The following NLGN4X variants were observed in gnomAD, a reference collection of about 807,000 sequenced individuals.
The protein encoded by NLGN4X is neuroligin 4 X-linked, also known as neuroligin-4, X-linked.
NLGN4X carries 3 observed loss-of-function variants against 40.3 expected under a neutral mutation model. The ratio of observed to expected loss-of-function variants is 0.07; its 90% CI spans 0.03 to 0.19. The LOEUF (loss-of-function observed/expected upper bound fraction) is 0.19, where lower values mean the gene tolerates loss of function less well. Among genes scored for constraint, NLGN4X ranks in the 10% least tolerant of loss-of-function variants. NLGN4X has a pLI of 1.00. For missense variants in NLGN4X, 382 were observed against 708.3 expected, an observed-to-expected ratio of 0.54 and a Z score of 5.23; for synonymous variants, 270 against 306.8, an observed-to-expected ratio of 0.88 and a Z score of 1.25.
intron 3 of NLGN4X, among the ~76,000 whole-genome samples, chrX:6,025,897 T>C (rs1266680323): frequency 1.3e-5 from 1 of 78,225 alleles, no homozygotes; most frequent in Non-Finnish European, 2.4e-5. Context: ...AAAGCGAGAC[T>C]CCATCTCAAA....
chrX:6,032,235 C>CG (rs1447320782), intron 2 of NLGN4X, among the ~76,000 whole-genome samples: 1 of 94,799 alleles, frequency 1.1e-5, no homozygotes, highest in East Asian at 3.9e-4. Flanking sequence ...GCCCCCCCCC[C>CG]CCCAAAAAAA....
At chrX:6,021,740 TTTG>T (rs2036564056) in intron 3 of NLGN4X, among the ~76,000 whole-genome samples, 1 of 105,915 alleles carries the variant, frequency 9.4e-6, no homozygotes, top group African/African-American at 3.8e-5. Context: ...TGTTTTTTTG[TTTG>T]TTTTTTTTTT....
At chrX:6,092,034 T>C (rs1407838259) in intron 2 of NLGN4X, among the ~76,000 whole-genome samples, 1 of 99,765 alleles carries the variant, frequency 1.0e-5, no homozygotes, top group Admixed American at 1.1e-4. Context: ...CCTCATTCCT[T>C]CCTGTTTTTC....
chrX:6,225,011 T>C lies in NLGN4X; in HGVS notation c.-306+3530A>G, dbSNP rs12844040. On this transcript the variant is annotated intron_variant, in intron 1 of 5. Transcript: ENST00000381095. Reference sequence around the variant, plus strand: ...ATATATATATATATATATATATATATACACACACACACACATATATGTAGA... The same window carrying C: ...ATATATATATATATATATATATATACACACACACACACACATATATGTAGA... Among the ~76,000 whole-genome samples the C allele has an allele frequency of 3.3e-3, 164 of 49,524 alleles. 2 individuals are homozygous for C. Among genetic ancestry groups the C allele is most frequent in the East Asian group, 0.01 (18 of 1,720 alleles). 43.0% of individuals were successfully genotyped at this position (49,524 alleles called of 115,157 possible). A position where few individuals can be genotyped will look rare whatever the true frequency, so the allele number is the denominator to read the frequency against.
chrX:5,999,902 C>T (rs1330141352), intron 3 of NLGN4X, among the ~76,000 whole-genome samples: 1 of 112,122 alleles, frequency 8.9e-6, no homozygotes, highest in African/African-American at 3.2e-5. Flanking sequence ...GTCATTACTC[C>T]GCAAAAATTA....
At chrX:5,946,304 G>A (rs951992936) in intron 3 of NLGN4X, among the ~76,000 whole-genome samples, 3 of 111,599 alleles carry the variant, frequency 2.7e-5, no homozygotes, top group Admixed American at 9.6e-5. Context: ...ACTTGAGGAC[G>A]GAAAACAATT....
At chrX:6,209,416 G>A (rs973866694) in intron 1 of NLGN4X, among the ~76,000 whole-genome samples, 6 of 110,760 alleles carry the variant, frequency 5.4e-5, no homozygotes. Flanking sequence ...TGTATACAAC[G>A]GGCACCTAGA....
chrX:6,060,936 A>C (rs995401908), intron 2 of NLGN4X, among the ~76,000 whole-genome samples: 1 of 111,420 alleles, frequency 9.0e-6, no homozygotes, highest in Non-Finnish European at 1.9e-5. Context: ...CACACCTCTC[A>C]AGGGGACAAA....
chrX:5,901,476 G>GA (rs2146721645), intron 5 of NLGN4X, among the ~76,000 whole-genome samples: 1 of 111,713 alleles, frequency 9.0e-6, no homozygotes, highest in East Asian at 2.8e-4. Flanking sequence ...AAGAGAAAAT[G>GA]AAAAAATGCC....
chrX:6,047,038 C>T (rs1326215087), intron 2 of NLGN4X, among the ~76,000 whole-genome samples: 1 of 108,811 alleles, frequency 9.2e-6, no homozygotes, highest in Non-Finnish European at 1.9e-5. Flanking sequence ...GATATATACA[C>T]ATATATGTAT....
At chrX:6,214,612 A>T (rs1167612358) in intron 1 of NLGN4X, among the ~76,000 whole-genome samples, 1 of 111,900 alleles carries the variant, frequency 8.9e-6, no homozygotes, top group Non-Finnish European at 1.9e-5. Flanking sequence ...GCAGAAAGAT[A>T]GAGCCAAGTG....
chrX:5,977,922 C>T (rs1424878150), intron 3 of NLGN4X, among the ~76,000 whole-genome samples: 5 of 112,191 alleles, frequency 4.5e-5, no homozygotes, highest in Admixed American at 9.5e-5. Context: ...GGTTTAAAGT[C>T]AGTCTTGTTC....
intron 3 of NLGN4X, among the ~76,000 whole-genome samples, chrX:5,914,381 C>A (rs971548629): frequency 8.1e-5 from 9 of 111,100 alleles, no homozygotes; most frequent in African/African-American, 2.6e-4. Flanking sequence ...TGGTAAGGAA[C>A]CCAATGGGGT....
chrX:6,091,416 C>T (rs1427928693), intron 2 of NLGN4X, among the ~76,000 whole-genome samples: 1 of 111,226 alleles, frequency 9.0e-6, no homozygotes, highest in Admixed American at 9.5e-5. Flanking sequence ...TCCTGTCTTA[C>T]ATCCTGTGTT....
intron 3 of NLGN4X, among the ~76,000 whole-genome samples, chrX:5,934,641 G>T: frequency 8.9e-6 from 1 of 111,814 alleles, no homozygotes; most frequent in Non-Finnish European, 1.9e-5. Context: ...ACCAAGCTAG[G>T]CTCCACTGCA....
At chrX:6,188,524 CTT>C (rs566429703) in intron 1 of NLGN4X, among the ~76,000 whole-genome samples, 1 of 103,148 alleles carries the variant, frequency 9.7e-6, no homozygotes, top group African/African-American at 3.5e-5. Context: ...AAATACTGTC[CTT>C]TTTTTTTTTT....
intron 3 of NLGN4X, among the ~76,000 whole-genome samples, chrX:5,940,775 C>G (rs888670315): frequency 2.7e-5 from 3 of 110,148 alleles, no homozygotes; most frequent in Non-Finnish European, 5.7e-5. Flanking sequence ...CTTGAAAAGT[C>G]TGCCTGACAT....
rs199525017 is a variant in NLGN4X, at chrX:5,903,318, C to T, written c.1360G>A (p.Val454Met). The stretch of plus-strand genomic sequence containing the variant: ...TGCGCGTGCAGGTCGGCGGTGGCCA[C>T]GGCGGGGGCCACCCACTGGTGGTCA... Reference protein sequence around the residue: ...FTDHQWVAPAVATADLHAQYG... With the variant: ...FTDHQWVAPAMATADLHAQYG... Residue 454 changes from valine (V) to methionine (M), a missense_variant, in exon 5 of 6, where the codon GTG becomes ATG. Val to Met is a conservative substitution (Grantham distance 21). This residue lies in a region of NLGN4X where 149 missense variants were observed against 375.8 expected (regional missense o/e 0.40). Transcript: ENST00000381095. 40 of 1,209,702 alleles carry T rather than the reference C, an allele frequency of 3.3e-5. No individual in the cohort carries two copies. The highest frequency in any genetic ancestry group is 5.3e-5 in the South Asian group (3 of 56,769).
chrX:6,140,469 C>G (rs972575656), intron 2 of NLGN4X, among the ~76,000 whole-genome samples: 6 of 82,774 alleles, frequency 7.2e-5, no homozygotes, highest in African/African-American at 1.5e-4. Context: ...CACACACACA[C>G]ACACACACAC....
Sources: gnomAD v4.1 joint callset for allele counts (sites outside exome capture counted in the v4.1 genomes callset) on GRCh38, gnomAD v4.1.1 for gene constraint, gnomAD v4.1.1 regional missense constraint, MANE v1.5 for transcripts, NCBI Gene and HGNC (gene_info 2026-07-23, HGNC 2026-07-21) for gene names.